The following GALNT16 variants were observed in gnomAD, a reference collection of about 807,000 sequenced individuals.
GALNT16 encodes the protein UDP-GalNAc:polypeptide N-acetylgalactosaminyltransferase-like protein 1.
A neutral mutation model predicts 76.1 loss-of-function variants in GALNT16; 40 were observed. The ratio of observed to expected loss-of-function variants is 0.53; its 90% confidence interval spans 0.41 to 0.68. The LOEUF (loss-of-function observed/expected upper bound fraction) is 0.68, where lower values mean the gene tolerates loss of function less well. GALNT16 is among the 30% of genes least tolerant of loss of function. The pLI is 0.00. For synonymous variants in GALNT16, 276 were observed against 285.2 expected (o/e 0.97, Z 0.32); for missense variants, 621 against 731.9 (o/e 0.85, Z 1.75).
At chr14:69,282,328 T>C (rs115001115) in intron 1 of GALNT16, among the ~76,000 whole-genome samples, 2,257 of 152,258 alleles carry the variant, frequency 0.015, 63 homozygotes, top group African/African-American at 0.051. Context: ...TGCACTGTGC[T>C]CCTTCCACAC....
Position 69,331,483 on chromosome 14 carries a change from G to C in GALNT16, c.710G>C (p.Ser237Thr), listed in dbSNP as rs151141102. The part of the protein sequence containing the change: ...RVKEDHTRVV[S>T]PIIDVISLDN... ...TCCTAGGACCACACCCGCGTGGTGAGTCCCATCATTGATGTCATCAGTCTG... is the reference window on the plus strand; with the variant it reads ...TCCTAGGACCACACCCGCGTGGTGACTCCCATCATTGATGTCATCAGTCTG... The change falls in exon 7 of 15, where the codon AGT becomes ACT. Residue 237 changes from serine (S) to threonine (T), a missense_variant. Coordinates refer to ENST00000448469, the MANE Select transcript of GALNT16 (RefSeq NM_001168368.2). The C allele has an allele frequency of 5.6e-6, 9 of 1,605,924 alleles. No individual in the cohort carries two copies. In the African/African-American group the frequency reaches 9.4e-5, roughly 17 times the overall value.
intron 1 of GALNT16, among the ~76,000 whole-genome samples, chr14:69,288,026 A>T (rs995825211): frequency 6.6e-6 from 1 of 152,172 alleles, no homozygotes; most frequent in Non-Finnish European, 1.5e-5. Context: ...GTTTCTTGGG[A>T]TCAGTGACCC....
intron 1 of GALNT16, among the ~76,000 whole-genome samples, chr14:69,269,788 G>A (rs1167735896): frequency 6.7e-6 from 1 of 149,690 alleles, no homozygotes; most frequent in Non-Finnish European, 1.5e-5. Flanking sequence ...ATGTGTGTGT[G>A]TGTCTGTGTG....
intron 6 of GALNT16, among the ~76,000 whole-genome samples, chr14:69,328,819 C>T (rs961155807): frequency 6.6e-6 from 1 of 152,166 alleles, no homozygotes; most frequent in African/African-American, 2.4e-5. Context: ...CTACAAAGCT[C>T]CTGCTACAAA....
intron 1 of GALNT16, among the ~76,000 whole-genome samples, chr14:69,319,788 A>G (rs2045150897): frequency 6.6e-6 from 1 of 152,208 alleles, no homozygotes; most frequent in Admixed American, 6.5e-5. Flanking sequence ...TACAGGGGCC[A>G]TTTCAGGAGC....
chr14:69,340,416 G>C (rs187454763), intron 11 of GALNT16, among the ~76,000 whole-genome samples: 1 of 151,880 alleles, frequency 6.6e-6, no homozygotes, highest in East Asian at 1.9e-4. Context: ...TACACATCAC[G>C]TCATTTGCAT....
chr14:69,315,790 C>T (rs1233166486), intron 1 of GALNT16, among the ~76,000 whole-genome samples: 1 of 152,034 alleles, frequency 6.6e-6, no homozygotes, highest in Non-Finnish European at 1.5e-5. Flanking sequence ...GAGAAGAACA[C>T]CCAACTCAAA....
the GALNT16 span, among the ~76,000 whole-genome samples, chr14:69,367,687 T>C: frequency 7.7e-6 from 1 of 130,242 alleles, no homozygotes; most frequent in South Asian, 2.6e-4. Context: ...AAGAATTCCA[T>C]ACAGGAAGGC....
chr14:69,293,628 C>T (rs138691221), intron 1 of GALNT16, among the ~76,000 whole-genome samples: 1 of 152,326 alleles, frequency 6.6e-6, no homozygotes, highest in African/African-American at 2.4e-5. Context: ...ACTGCTTGCC[C>T]TACTGCCTGC....
intron 6 of GALNT16, among the ~76,000 whole-genome samples, 165 bp from the exon 7 acceptor site, chr14:69,331,299 A>C (rs2045348568): frequency 6.6e-6 from 1 of 152,186 alleles, no homozygotes; most frequent in Non-Finnish European, 1.5e-5. Context: ...GTGATGCAGG[A>C]CAGCTGCCAG....
intron 1 of GALNT16, among the ~76,000 whole-genome samples, chr14:69,310,934 A>G: frequency 6.6e-6 from 1 of 152,156 alleles, no homozygotes; most frequent in South Asian, 2.1e-4. Context: ...ATAAAATTTT[A>G]AAAAAATAGT....
chr14:69,340,651 A>AT (rs944788431), intron 11 of GALNT16, among the ~76,000 whole-genome samples: 9 of 151,914 alleles, frequency 5.9e-5, no homozygotes, highest in Non-Finnish European at 8.8e-5. Context: ...TGCCCAGCTG[A>AT]TTTTTTGTGT....
At chr14:69,310,192 A>G (rs1300879300) in intron 1 of GALNT16, among the ~76,000 whole-genome samples, 1 of 152,116 alleles carries the variant, frequency 6.6e-6, no homozygotes, top group East Asian at 1.9e-4. Context: ...ACTATATACT[A>G]CTATATAGGA....
the GALNT16 span, among the ~76,000 whole-genome samples, chr14:69,367,882 A>G: frequency 2.0e-5 from 3 of 152,104 alleles, no homozygotes; most frequent in Non-Finnish European, 1.5e-5. Context: ...AGTCCTAGCT[A>G]CTTGGGAGGC....
At chr14:69,327,067 A>G (rs929530560) in intron 5 of GALNT16, among the ~76,000 whole-genome samples, 1 of 152,204 alleles carries the variant, frequency 6.6e-6, no homozygotes, top group South Asian at 2.1e-4. Flanking sequence ...TTAGAGTAAG[A>G]GAGGGATGTG....
At chr14:69,275,563 A>G (rs2044461411) in intron 1 of GALNT16, among the ~76,000 whole-genome samples, 1 of 152,262 alleles carries the variant, frequency 6.6e-6, no homozygotes, top group Admixed American at 6.5e-5. Context: ...CTCAAAGTAT[A>G]AAAGTGGAAC....
chr14:69,278,209 A>G (rs568815500), intron 1 of GALNT16, among the ~76,000 whole-genome samples: 3 of 151,982 alleles, frequency 2.0e-5, no homozygotes. Flanking sequence ...GGGTCTCACT[A>G]TGTTACCCAG....
chr14:69,382,563 G>C, the GALNT16 span, among the ~76,000 whole-genome samples: 2,366 of 152,186 alleles, frequency 0.016, 32 homozygotes, highest in Non-Finnish European at 0.025. Context: ...CCAGGTGCCA[G>C]TGGCTCATGC....
chr14:69,327,819 G>A (rs562669409), intron 5 of GALNT16, among the ~76,000 whole-genome samples: 90 of 152,344 alleles, frequency 5.9e-4, no homozygotes, highest in Admixed American at 2.0e-4. Flanking sequence ...CCCAAAATGA[G>A]GCTGGTGAGG....
Sources: allele counts gnomAD v4.1 joint callset (sites outside exome capture counted in the v4.1 genomes callset), GRCh38; gene constraint gnomAD v4.1.1; transcripts MANE v1.5; gene names NCBI Gene and HGNC (gene_info 2026-07-23, HGNC 2026-07-21).